Variants in ADIPOR1 observed in about 807,000 individuals in gnomAD.
The protein encoded by ADIPOR1 is adiponectin receptor 1, also known as adiponectin receptor protein 1.
ADIPOR1 carries 15 observed loss-of-function variants against 37.5 expected under a neutral mutation model. The observed-to-expected ratio is 0.40, with a 90% CI of 0.27 to 0.62. The LOEUF (loss-of-function observed/expected upper bound fraction) is 0.62. ADIPOR1 is among the 20% of genes least tolerant of loss of function. The pLI is 0.42. For synonymous variants in ADIPOR1, 173 were observed against 173.2 expected (o/e 1.00, Z 0.01); for missense variants, 286 against 478.0 (o/e 0.60, Z 3.75).
chr1:202,948,904 G>A lies in ADIPOR1; in HGVS notation c.142-484C>T, dbSNP rs552482020. Reference sequence around the variant, plus strand: ...CCTCCCGGGTTCAAGCAATTCTCATGCCTCGGCCTCCAAGTAGCTGGGATT... The same window carrying A: ...CCTCCCGGGTTCAAGCAATTCTCATACCTCGGCCTCCAAGTAGCTGGGATT... On this transcript the variant is annotated intron_variant, in intron 2 of 7. Transcript: ENST00000340990. Among the ~76,000 whole-genome samples the A allele has an allele frequency of 5.3e-5, 8 of 151,620 alleles. No homozygotes were observed. The East Asian group carries it at 1.6e-3, about 30-fold the overall frequency.
At chr1:202,947,229 T>C (rs1654366913) in intron 3 of ADIPOR1, among the ~76,000 whole-genome samples, 1 of 151,704 alleles carries the variant, frequency 6.6e-6, no homozygotes, top group Non-Finnish European at 1.5e-5. Flanking sequence ...TAAGAAAATA[T>C]GGTCCAACCA....
intron 2 of ADIPOR1, among the ~76,000 whole-genome samples, chr1:202,949,662 C>T (rs145790912): frequency 1.3e-3 from 194 of 151,820 alleles, no homozygotes; most frequent in African/African-American, 4.4e-3. Context: ...CCCAAGGCTC[C>T]GAATCATGGC....
intron 7 of ADIPOR1, 113 bp downstream of exon 7, chr1:202,941,912 T>C: frequency 2.4e-6 from 3 of 1,248,470 alleles, no homozygotes; most frequent in South Asian, 1.5e-5. Flanking sequence ...AATGCACATA[T>C]ATGTACCTCC....
At chr1:202,957,673 CA>C (rs1654835762) in intron 1 of ADIPOR1, among the ~76,000 whole-genome samples, 1 of 152,226 alleles carries the variant, frequency 6.6e-6, no homozygotes, top group Admixed American at 6.5e-5. Context: ...CCCACCCCAT[CA>C]AAGTGAGGGC....
intron 1 of ADIPOR1, among the ~76,000 whole-genome samples, chr1:202,957,942 G>C (rs543757034): frequency 1.3e-5 from 2 of 152,276 alleles, no homozygotes; most frequent in South Asian, 4.1e-4. Flanking sequence ...AGCCGGGGAC[G>C]AGCGCCCACC....
intron 2 of ADIPOR1, among the ~76,000 whole-genome samples, chr1:202,949,405 C>T (rs1263337962): frequency 6.6e-6 from 1 of 151,296 alleles, no homozygotes; most frequent in Non-Finnish European, 1.5e-5. Context: ...ACGGTGAAAC[C>T]CTGTCTCTAC....
intron 7 of ADIPOR1, 36 bp from the exon 8 acceptor site, chr1:202,941,737 T>C: frequency 1.9e-6 from 3 of 1,583,382 alleles, no homozygotes; most frequent in South Asian, 1.2e-5. Context: ...TTTAGGATAA[T>C]GCAAGGAGGA....
intron 2 of ADIPOR1, 36 bp downstream of exon 2, chr1:202,950,894 C>G (rs753187295): frequency 1.2e-6 from 2 of 1,612,896 alleles, no homozygotes; most frequent in Non-Finnish European, 8.5e-7. Context: ...AGGAGAGAAA[C>G]TGAACAAGGG....
Position 202,948,379 on chromosome 1 carries a change from C to T in ADIPOR1, c.183G>A (p.Glu61=), listed in dbSNP as rs1654419118. 2 of 1,613,900 alleles carry T rather than the reference C, an allele frequency of 1.2e-6. No homozygotes were observed. Among genetic ancestry groups the T allele is most frequent in the Non-Finnish European group, 1.7e-6 (2 of 1,179,958 alleles). The change falls in exon 3 of 8, where the codon GAG becomes GAA. Residue 61 remains glutamate (E), a synonymous_variant. Transcript: ENST00000340990. ...GAAGTGTCAGTACCCGCACCTCCTC[C>T]TCTTCTTCCTGGGGCACTGGGCATG... is the stretch of plus-strand genomic sequence containing the variant. ...EQTCPVPQEE[E]EEVRVLTLPL...
In ADIPOR1 at chr1:202,942,128, T is replaced by C; in HGVS notation, c.896A>G (p.Gln299Arg). The C allele has an allele frequency of 1.2e-6, 2 of 1,614,218 alleles. No individual in the cohort carries two copies. The highest frequency in any genetic ancestry group is 1.7e-6 in the Non-Finnish European group (2 of 1,180,036). ...AGCCATGAGGAAGAACCAGCCCATC[T>C]GGCCCACTGTGGTGGCCTTGACAAA... ...EGFVKATTVGQMGWFFLMAVM... is the reference protein window; with the variant it reads ...EGFVKATTVGRMGWFFLMAVM... Residue 299 changes from glutamine to arginine, a missense_variant, in exon 7 of 8, where the codon CAG (glutamine) becomes CGG (arginine). By Grantham distance (43) the Gln-to-Arg change is conservative (BLOSUM62 1). Coordinates refer to ENST00000340990, the MANE Select transcript of ADIPOR1 (RefSeq NM_015999.6).
intron 6 of ADIPOR1, among the ~76,000 whole-genome samples, chr1:202,943,435 AG>A (rs999141788): frequency 1.8e-4 from 27 of 152,228 alleles, no homozygotes; most frequent in African/African-American, 6.0e-4. Context: ...CCTTGGTCTG[AG>A]CTTGGGACTC....
intron 1 of ADIPOR1, chr1:202,954,125 T>A (rs1261528897): frequency 6.6e-6 from 1 of 152,160 alleles, no homozygotes; most frequent in Non-Finnish European, 1.5e-5. Context: ...CTATACCACC[T>A]CTCTACATCT....
intron 7 of ADIPOR1, 142 bp downstream of exon 7, chr1:202,941,883 A>C: frequency 8.6e-7 from 1 of 1,168,518 alleles, no homozygotes; most frequent in South Asian, 1.6e-5. Context: ...CAAAATGTTA[A>C]TATTGATGAT....
chr1:202,948,531 T>C, intron 2 of ADIPOR1, 111 bp from the exon 3 acceptor site: 1 of 831,870 alleles, frequency 1.2e-6, no homozygotes, highest in Admixed American at 2.0e-5. Context: ...CCCAGCCTCT[T>C]TCCTACAGAG....
intron 2 of ADIPOR1, 23 bp from the exon 3 acceptor site, chr1:202,948,443 C>T (rs1276137543): frequency 6.3e-7 from 1 of 1,596,466 alleles, no homozygotes; most frequent in South Asian, 1.1e-5. Context: ...AAACCCACAA[C>T]AATCCAGGGA....
At chr1:202,957,011 T>A (rs902900544) in intron 1 of ADIPOR1, among the ~76,000 whole-genome samples, 1 of 152,250 alleles carries the variant, frequency 6.6e-6, no homozygotes, top group Non-Finnish European at 1.5e-5. Flanking sequence ...TCAGTTTTTA[T>A]GACTGATTTC....
chr1:202,951,237 G>A, intron 1 of ADIPOR1, 73 bp from the exon 2 acceptor site: 1 of 738,898 alleles, frequency 1.4e-6, no homozygotes, highest in South Asian at 2.2e-5. Flanking sequence ...CTCTAATACT[G>A]AATAAGAAGC....
rs564160233 is a variant in ADIPOR1, at chr1:202,955,541, CA to C, written c.-95+2643del. Among the ~76,000 whole-genome samples the C allele has an allele frequency of 2.5e-3, 355 of 143,158 alleles. 7 individuals are homozygous for C. The highest frequency in any genetic ancestry group is 0.015 in the South Asian group (66 of 4,482). The allele number at this position is 143,158 out of a possible 152,430, so 93.9% of individuals were successfully genotyped here. The stretch of plus-strand genomic sequence containing the variant: ...CAGGCAAACTTTGCTAATGTCATGA[CA>C]AAAAAAAAAGTGAACAGTATACAGG... On this transcript the variant is annotated intron_variant, in intron 1 of 7. Coordinates refer to ENST00000340990, the MANE Select transcript of ADIPOR1 (RefSeq NM_015999.6).
chr1:202,955,032 T>C (rs1465780284), intron 1 of ADIPOR1, among the ~76,000 whole-genome samples: 12 of 152,160 alleles, frequency 7.9e-5, no homozygotes, highest in East Asian at 1.9e-4. Flanking sequence ...CAGCCATTTT[T>C]CCCCTATCTA....
Sources: allele counts gnomAD v4.1 joint callset (sites outside exome capture counted in the v4.1 genomes callset), GRCh38; gene constraint gnomAD v4.1.1; transcripts MANE v1.5; gene names NCBI Gene and HGNC (gene_info 2026-07-23, HGNC 2026-07-21).